ADAMTSL1: variants seen among roughly 807,000 people sequenced by gnomAD.
ADAMTSL1 encodes the protein ADAMTS-like protein 1.
ADAMTSL1 carries 126 observed loss-of-function variants against 201.8 expected under a neutral mutation model. That is an observed-to-expected ratio of 0.62 (90% CI 0.54 to 0.72). ADAMTSL1 has a LOEUF of 0.72. Ranked by LOEUF, ADAMTSL1 falls within the 30% of genes least tolerant of loss-of-function variation. The pLI is 0.00. For missense variants in ADAMTSL1, 2,679 were observed against 2,277.8 expected, an observed-to-expected ratio of 1.18 and a Z score of -3.59; for synonymous variants, 1,121 against 903.4, an observed-to-expected ratio of 1.24 and a Z score of -4.32.
intron 2 of ADAMTSL1, among the ~76,000 whole-genome samples, chr9:18,178,138 C>G (rs1326935160): frequency 2.6e-5 from 4 of 152,198 alleles, no homozygotes. Flanking sequence ...CTAAGGAGTG[C>G]CAGACAGTGG....
At chr9:18,189,594 A>G (rs1284660440) in intron 2 of ADAMTSL1, among the ~76,000 whole-genome samples, 1 of 152,118 alleles carries the variant, frequency 6.6e-6, no homozygotes. Flanking sequence ...AAAGTTACAG[A>G]TATGTCATAG....
chr9:18,702,766 G>A (rs552295), intron 13 of ADAMTSL1, among the ~76,000 whole-genome samples: 85,937 of 149,184 alleles, frequency 0.58, 26,046 homozygotes, highest in Non-Finnish European at 0.68. Context: ...AACAAAAAGA[G>A]TTTTTTTTTT....
intron 19 of ADAMTSL1, among the ~76,000 whole-genome samples, chr9:18,793,765 CT>C (rs1179897455): frequency 2.4e-4 from 36 of 147,016 alleles, no homozygotes; most frequent in African/African-American, 8.6e-4. Flanking sequence ...CACCGGATCT[CT>C]GAGCTTCTGA....
intron 5 of ADAMTSL1, among the ~76,000 whole-genome samples, chr9:18,634,368 A>G (rs1347992491): frequency 6.6e-6 from 1 of 151,696 alleles, no homozygotes; most frequent in Non-Finnish European, 1.5e-5. Context: ...GTTCAAGACA[A>G]GCGTGGGCAA....
At chr9:18,266,120 G>C (rs1387113091) in intron 2 of ADAMTSL1, among the ~76,000 whole-genome samples, 2 of 152,318 alleles carry the variant, frequency 1.3e-5, no homozygotes, top group East Asian at 3.9e-4. Flanking sequence ...TATCCCAGAA[G>C]TGCAATTTAC....
At chr9:18,004,238 C>A (rs1819725533) in intron 1 of ADAMTSL1, among the ~76,000 whole-genome samples, 1 of 151,816 alleles carries the variant, frequency 6.6e-6, no homozygotes, top group Admixed American at 6.6e-5. Flanking sequence ...AATATAAAGA[C>A]CAGAAATGTT....
chr9:18,778,722 G>T (rs1177116077), intron 19 of ADAMTSL1, among the ~76,000 whole-genome samples: 1 of 152,166 alleles, frequency 6.6e-6, no homozygotes, highest in African/African-American at 2.4e-5. Flanking sequence ...TTATCTCACT[G>T]AATAGAAGTG....
At chr9:18,855,712 C>T (rs1326713000) in intron 23 of ADAMTSL1, among the ~76,000 whole-genome samples, 3 of 152,154 alleles carry the variant, frequency 2.0e-5, no homozygotes, top group African/African-American at 4.8e-5. Context: ...TGGAATTCTT[C>T]GTTTCTCTGT....
intron 5 of ADAMTSL1, among the ~76,000 whole-genome samples, chr9:18,629,108 A>G (rs1826578342): frequency 6.6e-6 from 1 of 152,194 alleles, no homozygotes; most frequent in Admixed American, 6.5e-5. Flanking sequence ...TTAGCCGTGT[A>G]TTATGTAAAC....
chr9:17,971,290 A>G (rs1039866638), intron 1 of ADAMTSL1, among the ~76,000 whole-genome samples: 1 of 152,210 alleles, frequency 6.6e-6, no homozygotes, highest in African/African-American at 2.4e-5. Context: ...ACCTTGAAAA[A>G]TAGTTTCTTG....
chr9:18,786,458 T>C (rs1411483192), intron 19 of ADAMTSL1, among the ~76,000 whole-genome samples: 2 of 152,188 alleles, frequency 1.3e-5, no homozygotes, highest in Non-Finnish European at 2.9e-5. Context: ...TCTCTGAACC[T>C]TGGTTTTCTT....
At chr9:18,474,441 G>T in intron 1 of ADAMTSL1, 146 bp downstream of exon 1, 1 of 844,330 alleles carries the variant, frequency 1.2e-6, no homozygotes, top group Non-Finnish European at 1.9e-6. Context: ...TACAAAGAGA[G>T]AATACTCCTT....
At chr9:18,790,943 G>A (rs1821996854) in intron 19 of ADAMTSL1, among the ~76,000 whole-genome samples, 1 of 152,056 alleles carries the variant, frequency 6.6e-6, no homozygotes, top group African/African-American at 2.4e-5. Flanking sequence ...CACATCCTCT[G>A]GTTCCATAAA....
chr9:17,915,669 A>G (rs1051276648), intron 1 of ADAMTSL1, among the ~76,000 whole-genome samples: 4 of 152,214 alleles, frequency 2.6e-5, no homozygotes, highest in Non-Finnish European at 4.4e-5. Flanking sequence ...TTTTCTCAGT[A>G]GCAGAATGAG....
At chr9:18,866,652 A>C (rs953568732) in intron 23 of ADAMTSL1, among the ~76,000 whole-genome samples, 1 of 152,218 alleles carries the variant, frequency 6.6e-6, no homozygotes, top group Non-Finnish European at 1.5e-5. Context: ...TCACCTCTAC[A>C]GCAGAGGGAC....
At chr9:18,052,821 A>G (rs897907180) in intron 1 of ADAMTSL1, among the ~76,000 whole-genome samples, 1 of 152,150 alleles carries the variant, frequency 6.6e-6, no homozygotes. Flanking sequence ...TTTGGAAATC[A>G]GAGCAGGAAA....
chr9:17,928,171 T>C (rs138426731), intron 1 of ADAMTSL1, among the ~76,000 whole-genome samples: 1,672 of 152,118 alleles, frequency 0.011, 26 homozygotes, highest in African/African-American at 0.039. Context: ...AATGTTTTTG[T>C]GTTTTTAGTA....
At chr9:18,492,343 T>G (rs1822308860) in intron 1 of ADAMTSL1, among the ~76,000 whole-genome samples, 1 of 152,186 alleles carries the variant, frequency 6.6e-6, no homozygotes, top group South Asian at 2.1e-4. Context: ...TTACAAGTAT[T>G]TATTGTTTTT....
At chr9:18,101,596 T>C (rs1230572561) in intron 1 of ADAMTSL1, among the ~76,000 whole-genome samples, 1 of 152,070 alleles carries the variant, frequency 6.6e-6, no homozygotes, top group Non-Finnish European at 1.5e-5. Flanking sequence ...CATCAAAATA[T>C]TTGTTAGTTG....
Sources: allele counts gnomAD v4.1 joint callset (sites outside exome capture counted in the v4.1 genomes callset), GRCh38; gene constraint gnomAD v4.1.1; transcripts MANE v1.5; gene names NCBI Gene and HGNC (gene_info 2026-07-23, HGNC 2026-07-21).